Variants in PLXNA4 observed in about 807,000 individuals in gnomAD.
The protein encoded by PLXNA4 is plexin-A4.
In PLXNA4, 44 loss-of-function variants were observed where a neutral mutation model predicts 191.8. The ratio of observed to expected loss-of-function variants is 0.23; its 90% CI spans 0.18 to 0.29. The LOEUF (loss-of-function observed/expected upper bound fraction) is 0.29. Among genes scored for constraint, PLXNA4 ranks in the 10% least tolerant of loss-of-function variants. The pLI, the probability that PLXNA4 is intolerant of heterozygous loss-of-function variation, is 1.00. For synonymous variants in PLXNA4, 1,082 were observed against 1,009.5 expected (o/e 1.07, Z -1.36); for missense variants, 1,800 against 2,488.8 (o/e 0.72, Z 5.89).
chr7:132,292,041 C>A (rs967690014), intron 4 of PLXNA4, among the ~76,000 whole-genome samples: 1 of 152,142 alleles, frequency 6.6e-6, no homozygotes, highest in African/African-American at 2.4e-5. Flanking sequence ...GTGACCTGCC[C>A]TCCTCAGCCT....
intron 3 of PLXNA4, among the ~76,000 whole-genome samples, chr7:132,315,720 T>C (rs940629040): frequency 6.6e-6 from 1 of 152,172 alleles, no homozygotes; most frequent in Admixed American, 6.5e-5. Context: ...CTGAGGAGTG[T>C]GCTTCCCAGA....
At chr7:132,197,957 C>T (rs1041860323) in intron 13 of PLXNA4, among the ~76,000 whole-genome samples, 5 of 152,150 alleles carry the variant, frequency 3.3e-5, no homozygotes, top group African/African-American at 1.2e-4. Context: ...GCATGATTCA[C>T]AAACCTCCTC....
Position 132,207,431 on chromosome 7 carries a change from C to T in PLXNA4, c.2298+3512G>A, listed in dbSNP as rs1046054844. ...GGCAGCCTCCGAGAGCTGGTGGCCA[C>T]GCACTATTATTAGCAGCACTTGACA... is the stretch of plus-strand genomic sequence containing the variant. On this transcript the variant is annotated intron_variant, in intron 10 of 31. Coordinates refer to ENST00000321063, the MANE Select transcript of PLXNA4 (RefSeq NM_020911.2). 9.2e-5 allele frequency among the ~76,000 whole-genome samples: 14 copies of T among 152,296 alleles called. No individual in the cohort carries two copies. In the East Asian group the frequency reaches 1.2e-3, roughly 13 times the overall value.
At chr7:132,591,530 T>TTAC (rs1802603234) in intron 2 of PLXNA4, among the ~76,000 whole-genome samples, 2 of 152,246 alleles carry the variant, frequency 1.3e-5, no homozygotes, top group African/African-American at 4.8e-5. Flanking sequence ...CAGTTGTGCA[T>TTAC]ATAATATACA....
chr7:132,202,333 C>T (rs149255285), intron 12 of PLXNA4, among the ~76,000 whole-genome samples: 83 of 152,248 alleles, frequency 5.5e-4, no homozygotes, highest in African/African-American at 1.6e-3. Flanking sequence ...GCCTTGCCAC[C>T]GAGGCTCTTA....
intron 2 of PLXNA4, among the ~76,000 whole-genome samples, chr7:132,605,081 A>G (rs1238305519): frequency 6.6e-6 from 1 of 152,222 alleles, no homozygotes; most frequent in Non-Finnish European, 1.5e-5. Context: ...CATGCTGAGC[A>G]CTCTGCAGGA....
chr7:132,484,936 A>T (rs1182564034), intron 3 of PLXNA4: 1 of 1,614,042 alleles, frequency 6.2e-7, no homozygotes, highest in Non-Finnish European at 8.5e-7. Context: ...CCTGAGAAGC[A>T]ATGTTCGCCC....
At chr7:132,287,279 G>T (rs916813740) in intron 4 of PLXNA4, among the ~76,000 whole-genome samples, 10 of 152,112 alleles carry the variant, frequency 6.6e-5, no homozygotes, top group Non-Finnish European at 1.5e-5. Flanking sequence ...CAGGCAATCT[G>T]CCCGCCTTGG....
chr7:132,610,477 C>T (rs976924265), intron 2 of PLXNA4, among the ~76,000 whole-genome samples: 6 of 152,204 alleles, frequency 3.9e-5, no homozygotes, highest in Admixed American at 2.6e-4. Flanking sequence ...AAAGGTTCTT[C>T]CTAGTCCCCC....
At position 132,502,798 on chromosome 7, in the gene PLXNA4, G is replaced by T. The variant is rs146085968; in HGVS notation, c.1188+4708C>A. On this transcript the variant is annotated intron_variant, in intron 2 of 31. Coordinates refer to ENST00000321063, the MANE Select transcript of PLXNA4 (RefSeq NM_020911.2). ...TTATCCTACAGTATTGTTGGGAGAAGAAAAGTTGTGAGAAAGCCCTTGTTA... is the reference window on the plus strand; with the variant it reads ...TTATCCTACAGTATTGTTGGGAGAATAAAAGTTGTGAGAAAGCCCTTGTTA... Among the ~76,000 whole-genome samples the T allele has an allele frequency of 2.8e-3, 432 of 152,302 alleles. 3 individuals are homozygous for T. Among genetic ancestry groups the T allele is most frequent in the African/African-American group, 1.0e-2 (415 of 41,562 alleles).
At chr7:132,365,635 T>G (rs772229882) in intron 3 of PLXNA4, among the ~76,000 whole-genome samples, 5 of 152,064 alleles carry the variant, frequency 3.3e-5, no homozygotes, top group Admixed American at 6.5e-5. Context: ...AGAAGTGAAG[T>G]GCAAATCCAG....
chr7:132,633,743 C>A (rs997923735), intron 2 of PLXNA4, among the ~76,000 whole-genome samples: 7 of 152,186 alleles, frequency 4.6e-5, no homozygotes, highest in African/African-American at 1.7e-4. Flanking sequence ...CTCTGACCCT[C>A]ATCATCTCTT....
chr7:132,615,195 T>C (rs574703886), intron 2 of PLXNA4, among the ~76,000 whole-genome samples: 22 of 152,140 alleles, frequency 1.4e-4, no homozygotes, highest in Non-Finnish European at 2.6e-4. Context: ...TCTAGGGCTT[T>C]GGTTACCGGT....
At chr7:132,227,088 C>G (rs969081816) in intron 7 of PLXNA4, among the ~76,000 whole-genome samples, 1 of 152,160 alleles carries the variant, frequency 6.6e-6, no homozygotes, top group African/African-American at 2.4e-5. Context: ...CATCCCTGCT[C>G]CAGCTCAGTG....
intron 1 of PLXNA4, among the ~76,000 whole-genome samples, chr7:132,509,414 T>C (rs1235676765): frequency 2.6e-5 from 4 of 152,176 alleles, no homozygotes; most frequent in Non-Finnish European, 5.9e-5. Flanking sequence ...TATTAACCTT[T>C]TCTCAAAGGA....
intron 1 of PLXNA4, among the ~76,000 whole-genome samples, chr7:132,563,934 GTCC>G (rs1167405519): frequency 0.11 from 4,755 of 44,198 alleles, 251 homozygotes; most frequent in Non-Finnish European, 0.15. Flanking sequence ...CCTTTTCCTC[GTCC>G]TCCTCCTCCT....
chr7:132,203,569 T>C, intron 10 of PLXNA4, 150 bp from the exon 11 acceptor site: 1 of 676,586 alleles, frequency 1.5e-6, no homozygotes, highest in Non-Finnish European at 2.6e-6. Flanking sequence ...CCTGTGTGCA[T>C]ACAAGTATGC....
intron 31 of PLXNA4, among the ~76,000 whole-genome samples, chr7:132,132,463 T>C (rs62469693): frequency 0.2 from 12,856 of 63,992 alleles, 1,976 homozygotes; most frequent in South Asian, 0.23. Flanking sequence ...TTCTGTTCTG[T>C]TCTGCTCTGC....
At chr7:132,311,703 C>T (rs900999324) in intron 3 of PLXNA4, among the ~76,000 whole-genome samples, 2 of 152,176 alleles carry the variant, frequency 1.3e-5, no homozygotes, top group African/African-American at 4.8e-5. Context: ...ACACTGCCCA[C>T]ATCTTACTTT....
Sources: gnomAD v4.1 joint callset for allele counts (sites outside exome capture counted in the v4.1 genomes callset) on GRCh38, gnomAD v4.1.1 for gene constraint, MANE v1.5 for transcripts, NCBI Gene and HGNC (gene_info 2026-07-23, HGNC 2026-07-21) for gene names.